The following LPIN3 variants were observed in gnomAD, a reference collection of about 807,000 sequenced individuals.
The protein encoded by LPIN3 is lipin 3.
A neutral mutation model predicts 94.7 loss-of-function variants in LPIN3; 82 were observed. That is an observed-to-expected ratio of 0.87 (90% CI 0.72 to 1.04). LPIN3 has a LOEUF of 1.04. Ranked by LOEUF, LPIN3 falls within the 50% of genes least tolerant of loss-of-function variation. LPIN3 has a pLI of 0.00. For missense variants in LPIN3, 996 were observed against 1,090.5 expected, an observed-to-expected ratio of 0.91 and a Z score of 1.22; for synonymous variants, 418 against 443.3, an observed-to-expected ratio of 0.94 and a Z score of 0.72.
intron 1 of LPIN3, among the ~76,000 whole-genome samples, chr20:41,343,855 T>C (rs1568987835): frequency 6.6e-6 from 1 of 151,430 alleles, no homozygotes; most frequent in Non-Finnish European, 1.5e-5. Context: ...AGTCCAGGAG[T>C]TTGAGACCAA....
chr20:41,352,185 G>C lies in LPIN3; in HGVS notation c.1328G>C (p.Cys443Ser), dbSNP rs770919569. Residue 443 changes from cysteine to serine, a missense_variant, in exon 9 of 20, where the codon TGT becomes TCT. Transcript: ENST00000373257. ...GTGGATACAATAGCACTGTCCCTCT[G>C]TGGTGGACTGGCTGACAGCCGGGAC... ...DTVDTIALSL[C>S]GGLADSRDIS... is the part of the protein sequence containing the mutation. 2.5e-6 allele frequency: 4 copies of C among 1,614,186 alleles called. No individual in the cohort carries two copies. The highest frequency in any genetic ancestry group is 3.4e-6 in the Non-Finnish European group (4 of 1,180,030).
chr20:41,356,082 T>G (rs774641890), intron 14 of LPIN3, 48 bp downstream of exon 14: 13 of 1,600,776 alleles, frequency 8.1e-6, no homozygotes, highest in Non-Finnish European at 1.0e-5. Context: ...CTGAGCTAAT[T>G]CTGTCTTAGA....
chr20:41,343,276 C>T (rs188008768), intron 1 of LPIN3, among the ~76,000 whole-genome samples: 1 of 152,234 alleles, frequency 6.6e-6, no homozygotes, highest in Non-Finnish European at 1.5e-5. Flanking sequence ...CTCTGCCCCT[C>T]CCCATGCTTG....
rs1235713960 is a variant in LPIN3 at position 41,357,392 on chromosome 20, C to G, written c.1984C>G (p.Leu662Val). Residue 662 changes from leucine to valine, a missense_variant, in exon 16 of 20, where the codon CTG becomes GTG. By Grantham distance (32) the Leu-to-Val change is conservative. Transcript: ENST00000373257. ...SDALGHILPQ[L>V]GKDWTHQGIT... The stretch of plus-strand genomic sequence containing the variant: ...TGCTCTGGGCCATATCCTGCCCCAG[C>G]TGGGGAAAGACTGGACACACCAGGG... The G allele has an allele frequency of 6.2e-7, 1 of 1,613,942 alleles. No homozygotes were observed. The highest frequency in any genetic ancestry group is 1.3e-5 in the African/African-American group (1 of 74,920).
rs976736677 is a variant in LPIN3, at chr20:41,344,069, A to G, written c.-8-1727A>G. On this transcript the variant is annotated intron_variant, in intron 1 of 19. Transcript: ENST00000373257. The stretch of plus-strand genomic sequence containing the variant: ...AGAGTGAGATCCTGTCTCAAAAAAA[A>G]AAAAGAAAAGAAAAGAAAAGAAAAA... 5.3e-5 allele frequency among the ~76,000 whole-genome samples: 8 copies of G among 152,206 alleles called. No individual in the cohort carries two copies. In the South Asian group the frequency reaches 6.2e-4, roughly 12 times the overall value.
chr20:41,348,552 T>C, intron 3 of LPIN3, 67 bp from the exon 4 acceptor site: 1 of 1,533,828 alleles, frequency 6.5e-7, no homozygotes. Context: ...AGGCTCAAGA[T>C]GACTGTGTGG....
intron 1 of LPIN3, among the ~76,000 whole-genome samples, chr20:41,345,296 C>T (rs1384507619): frequency 6.6e-6 from 1 of 152,214 alleles, no homozygotes; most frequent in Non-Finnish European, 1.5e-5. Context: ...AGTGGAACCA[C>T]ACAAACCTGG....
intron 5 of LPIN3, among the ~76,000 whole-genome samples, 154 bp downstream of exon 5, chr20:41,349,326 A>AT (rs1336513864): frequency 1.3e-5 from 2 of 152,146 alleles, no homozygotes; most frequent in Non-Finnish European, 2.9e-5. Flanking sequence ...TCTTTTATTG[A>AT]TTTTTTTAAA....
rs1439138619 is a variant in LPIN3 at position 41,352,161 on chromosome 20, T to C, written c.1304T>C (p.Val435Ala). The stretch of plus-strand genomic sequence containing the variant: ...GAACCTGAACCCACTCTGGACACAG[T>C]GGATACAATAGCACTGTCCCTCTGT... ...EHEPEPTLDT[V>A]DTIALSLCGG... is the part of the protein sequence containing the mutation. Residue 435 changes from valine (V) to alanine (A), a missense_variant, in exon 9 of 20, where the codon GTG (valine) becomes GCG (alanine). Coordinates refer to ENST00000373257, the MANE Select transcript of LPIN3 (RefSeq NM_022896.3). 1 of 1,614,066 alleles carries C rather than the reference T, an allele frequency of 6.2e-7. No individual in the cohort carries two copies. The highest frequency in any genetic ancestry group is 2.2e-5 in the East Asian group (1 of 44,884).
At position 41,358,461 on chromosome 20, in the gene LPIN3, TG is replaced by T. The variant is rs2046295227; in HGVS notation, c.2333del (p.Gly778AlafsTer21). 1 of 1,612,668 alleles carries T rather than the reference TG, an allele frequency of 6.2e-7. No individual in the cohort carries two copies. The highest frequency in any genetic ancestry group is 1.1e-5 in the South Asian group (1 of 91,078). ...CAGGATGTCTTTGCCTACCGGCAGG[TG>T]GGCCTGCCTGAGTCACGCATCTTCA... ...RPNDVFAYRQ[V>X]GLPESRIFTV... is the part of the protein sequence containing the mutation. On this transcript the variant is annotated frameshift_variant, in exon 19 of 20. Transcript: ENST00000373257. LOFTEE classifies it high-confidence loss of function.
rs774098335 is a variant in LPIN3 at position 41,352,201 on chromosome 20, C to G, written c.1344C>G (p.Asp448Glu). ...TGTCCCTCTGTGGTGGACTGGCTGA[C>G]AGCCGGGACATCTCCCTAGGTATGT... ...IALSLCGGLA[D>E]SRDISLEKFN... Residue 448 changes from aspartate (D) to glutamate (E), a missense_variant, in exon 9 of 20, where the codon GAC becomes GAG. By Grantham distance (45) the Asp-to-Glu change is conservative. Coordinates refer to ENST00000373257, the MANE Select transcript of LPIN3 (RefSeq NM_022896.3). The G allele has an allele frequency of 1.2e-6, 2 of 1,614,076 alleles. No individual in the cohort carries two copies. Among genetic ancestry groups the G allele is most frequent in the Non-Finnish European group, 1.7e-6 (2 of 1,180,050 alleles).
intron 13 of LPIN3, 85 bp from the exon 14 acceptor site, chr20:41,355,811 A>G (rs1600738059): frequency 2.0e-6 from 3 of 1,537,618 alleles, no homozygotes; most frequent in Admixed American, 1.8e-5. Flanking sequence ...CATGGCGGGG[A>G]CAGGTCCAGC....
At chr20:41,347,839 G>T (rs2045843011) in intron 3 of LPIN3, among the ~76,000 whole-genome samples, 192 bp downstream of exon 3, 1 of 152,226 alleles carries the variant, frequency 6.6e-6, no homozygotes, top group South Asian at 2.1e-4. Flanking sequence ...AGAGGAAGAG[G>T]CCAGGGTACC....
chr20:41,349,735 G>A (rs371743732), intron 5 of LPIN3, 39 bp from the exon 6 acceptor site: 374 of 1,584,004 alleles, frequency 2.4e-4, no homozygotes, highest in Non-Finnish European at 3.1e-4. Flanking sequence ...AGCGGGGATG[G>A]GTAGGCAGGC....
Position 41,354,814 on chromosome 20 carries a change from C to T in LPIN3, c.1621-6C>T, listed in dbSNP as rs371282898. The T allele has an allele frequency of 2.5e-6, 4 of 1,606,532 alleles. No homozygotes were observed. In the African/African-American group the frequency reaches 5.4e-5, roughly 21 times the overall value. On this transcript the variant is annotated splice_polypyrimidine_tract_variant and splice_region_variant and intron_variant, in intron 12 of 19. Transcript: ENST00000373257. The stretch of plus-strand genomic sequence containing the variant: ...TGGGATTCACTAATGGATGTTCTTT[C>T]CACAGCGCAGTGCCCAGAAGGAGAA...
In LPIN3 at chr20:41,359,875, G is replaced by A. The variant is rs2046334617; in HGVS notation, c.*1009G>A. On this transcript the variant is annotated 3_prime_UTR_variant, in exon 20 of 20. Transcript: ENST00000373257. ...GCTGGCCAGCTTGGTGCTCACAGCT[G>A]CTGGGTAAGCTCTTGCCTAAGGAGC... is the stretch of plus-strand genomic sequence containing the variant. 6.6e-6 allele frequency: 1 copy of A among 152,354 alleles called. No individual in the cohort carries two copies. The highest frequency in any genetic ancestry group is 6.5e-5 in the Admixed American group (1 of 15,294). The allele number at this position is 152,354 out of a possible 1,614,324, so 9.4% of individuals were successfully genotyped here.
At chr20:41,349,233 C>A in intron 5 of LPIN3, 61 bp downstream of exon 5, 1 of 1,458,980 alleles carries the variant, frequency 6.9e-7, no homozygotes, top group Non-Finnish European at 9.5e-7. Context: ...TTTCCATTTG[C>A]ATTTTTCCTG....
chr20:41,347,473 TG>T, intron 2 of LPIN3, 78 bp from the exon 3 acceptor site: 1 of 1,402,612 alleles, frequency 7.1e-7, no homozygotes, highest in Non-Finnish European at 1.0e-6. Flanking sequence ...AAGGAGCCAC[TG>T]GAGGACCAGC....
At chr20:41,356,183 C>T in intron 14 of LPIN3, 149 bp downstream of exon 14, 1 of 1,149,966 alleles carries the variant, frequency 8.7e-7, no homozygotes, top group Non-Finnish European at 1.2e-6. Flanking sequence ...CCCTGATGGC[C>T]TCCACTTGAA....
Sources: allele counts gnomAD v4.1 joint callset (sites outside exome capture counted in the v4.1 genomes callset), GRCh38; gene constraint gnomAD v4.1.1; transcripts MANE v1.5; gene names NCBI Gene and HGNC (gene_info 2026-07-23, HGNC 2026-07-21).